The following NTM variants were observed in gnomAD, a reference collection of about 807,000 sequenced individuals.
NTM encodes neurotrimin.
Under a neutral mutation model 42.1 loss-of-function variants are expected in NTM, and 13 were observed. The ratio of observed to expected loss-of-function variants is 0.31; its 90% CI spans 0.20 to 0.49. The LOEUF (loss-of-function observed/expected upper bound fraction) is 0.49, where lower values mean the gene tolerates loss of function less well. Among genes scored for constraint, NTM ranks in the 20% least tolerant of loss-of-function variants. The pLI, the probability that NTM is intolerant of heterozygous loss-of-function variation, is 0.99. For missense variants in NTM, 373 were observed against 452.8 expected (o/e 0.82, Z 1.60); for synonymous variants, 187 against 179.2 (o/e 1.04, Z -0.35).
intron 2 of NTM, among the ~76,000 whole-genome samples, chr11:132,061,360 G>A (rs991565755): frequency 1.3e-5 from 2 of 152,110 alleles, no homozygotes; most frequent in Non-Finnish European, 2.9e-5. Flanking sequence ...CTGATGTTTA[G>A]CATCTTTCAT....
intron 1 of NTM, among the ~76,000 whole-genome samples, chr11:131,786,425 T>G (rs576319974): frequency 6.6e-6 from 1 of 152,344 alleles, no homozygotes; most frequent in Non-Finnish European, 1.5e-5. Context: ...GTAAGAGTAA[T>G]GCAGAGATGC....
chr11:131,811,644 C>T (rs2092734034), intron 1 of NTM, among the ~76,000 whole-genome samples: 1 of 152,130 alleles, frequency 6.6e-6, no homozygotes, highest in African/African-American at 2.4e-5. Flanking sequence ...TATTGTAAAG[C>T]AGGGAGATTT....
At chr11:131,807,759 AT>A (rs143258100) in intron 1 of NTM, among the ~76,000 whole-genome samples, 2,578 of 152,208 alleles carry the variant, frequency 0.017, 70 homozygotes, top group African/African-American at 0.058. Flanking sequence ...GGCATTAAAT[AT>A]TTTTTATTGC....
chr11:132,058,904 G>A (rs965323718), intron 2 of NTM, among the ~76,000 whole-genome samples: 2 of 152,180 alleles, frequency 1.3e-5, no homozygotes, highest in African/African-American at 2.4e-5. Context: ...TTAAGCCAAT[G>A]TTTCCCACAA....
chr11:131,702,821 C>T (rs372773345), intron 1 of NTM, among the ~76,000 whole-genome samples: 49 of 152,056 alleles, frequency 3.2e-4, no homozygotes, highest in Admixed American at 3.9e-4. Flanking sequence ...CGAATAGCCC[C>T]GACTATTTTG....
At chr11:131,682,623 C>G (rs1389627593) in intron 1 of NTM, among the ~76,000 whole-genome samples, 1 of 152,240 alleles carries the variant, frequency 6.6e-6, no homozygotes, top group East Asian at 1.9e-4. Flanking sequence ...GCCCGGTTCT[C>G]ACTTCCCCTG....
intron 1 of NTM, among the ~76,000 whole-genome samples, chr11:131,832,059 C>T (rs1001496795): frequency 1.3e-5 from 2 of 150,720 alleles, no homozygotes; most frequent in African/African-American, 2.4e-5. Context: ...TTTCTGCATA[C>T]AGGTGGATGA....
At chr11:132,021,572 GCTAAT>G (rs951506404) in intron 2 of NTM, among the ~76,000 whole-genome samples, 14 of 152,094 alleles carry the variant, frequency 9.2e-5, no homozygotes, top group Admixed American at 2.6e-4. Flanking sequence ...TAGCAAACTG[GCTAAT>G]CTGTGGACTC....
intron 1 of NTM, among the ~76,000 whole-genome samples, chr11:131,632,800 G>A (rs377617964): frequency 2.1e-4 from 31 of 148,870 alleles, no homozygotes; most frequent in African/African-American, 4.3e-4. Context: ...TCAGCCTCCC[G>A]TGTAGCTGGG....
At chr11:131,537,520 AAAAGGCTCTTATTACT>A (rs1368825797) in intron 1 of NTM, 1 of 152,228 alleles carries the variant, frequency 6.6e-6, no homozygotes, top group Non-Finnish European at 1.5e-5. Context: ...GATCAGCTTC[AAAAGGCTCTTATTACT>A]TAAGGTCCTT....
chr11:131,936,287 C>T (rs1282999457), intron 2 of NTM, among the ~76,000 whole-genome samples: 1 of 152,136 alleles, frequency 6.6e-6, no homozygotes, highest in Non-Finnish European at 1.5e-5. Context: ...ATATTGCATT[C>T]CTCTATATAA....
chr11:131,746,800 G>A (rs1446115051), intron 1 of NTM, among the ~76,000 whole-genome samples: 3 of 151,880 alleles, frequency 2.0e-5, no homozygotes, highest in Non-Finnish European at 4.4e-5. Flanking sequence ...TGAGTCTAGT[G>A]TACCCTCCGA....
chr11:131,711,039 CT>C (rs1445214619), intron 1 of NTM, among the ~76,000 whole-genome samples: 2 of 152,116 alleles, frequency 1.3e-5, no homozygotes, highest in Non-Finnish European at 2.9e-5. Context: ...AGAAGAAAAC[CT>C]AGGCATTACC....
At chr11:131,640,206 A>G (rs75141687) in intron 1 of NTM, among the ~76,000 whole-genome samples, 9,139 of 152,204 alleles carry the variant, frequency 0.06, 554 homozygotes, top group African/African-American at 0.16. Context: ...CCTTAAGCCT[A>G]AGCAAAGGAT....
intron 4 of NTM, among the ~76,000 whole-genome samples, chr11:132,217,376 G>GTGTA (rs1219369793): frequency 6.6e-6 from 1 of 151,444 alleles, no homozygotes; most frequent in Non-Finnish European, 1.5e-5. Flanking sequence ...GTGTGTGTGT[G>GTGTA]TGTGTGTGTG....
At chr11:132,125,660 T>C (rs967291906) in intron 2 of NTM, among the ~76,000 whole-genome samples, 2 of 21,768 alleles carry the variant, frequency 9.2e-5, no homozygotes, top group Admixed American at 4.5e-4. Context: ...GTATGTGGTG[T>C]GTGTGTCATG....
chr11:131,831,648 A>G (rs1358846864), intron 1 of NTM, among the ~76,000 whole-genome samples: 1 of 152,212 alleles, frequency 6.6e-6, no homozygotes, highest in Non-Finnish European at 1.5e-5. Context: ...TAGATCTTAA[A>G]GCTTACGTAG....
At chr11:132,028,317 G>A (rs1593886391) in intron 2 of NTM, among the ~76,000 whole-genome samples, 1 of 151,478 alleles carries the variant, frequency 6.6e-6, no homozygotes, top group Non-Finnish European at 1.5e-5. Context: ...TGATATACTG[G>A]GGTAAAAGAA....
intron 1 of NTM, among the ~76,000 whole-genome samples, chr11:131,862,611 G>A (rs571842165): frequency 1.3e-5 from 2 of 152,168 alleles, no homozygotes; most frequent in Non-Finnish European, 2.9e-5. Flanking sequence ...TAAGTCCCTA[G>A]TTTCAAAAAC....
Sources: gnomAD v4.1 joint callset for allele counts (sites outside exome capture counted in the v4.1 genomes callset) on GRCh38, gnomAD v4.1.1 for gene constraint, MANE v1.5 for transcripts, NCBI Gene and HGNC (gene_info 2026-07-23, HGNC 2026-07-21) for gene names.